Variants in DPF3 observed in about 807,000 individuals in gnomAD.
DPF3 encodes the protein zinc finger protein DPF3.
A neutral mutation model predicts 56.8 loss-of-function variants in DPF3; 18 were observed. The observed-to-expected ratio is 0.32, with a 90% CI of 0.22 to 0.47. DPF3 has a LOEUF of 0.47. Ranked by LOEUF, DPF3 falls within the 20% of genes least tolerant of loss-of-function variation. DPF3 has a pLI of 1.00. For missense variants in DPF3, 403 were observed against 488.8 expected (o/e 0.82, Z 1.65); for synonymous variants, 188 against 180.2 (o/e 1.04, Z -0.35).
chr14:72,731,689 G>T, intron 4 of DPF3, 118 bp downstream of exon 4: 1 of 1,402,416 alleles, frequency 7.1e-7, no homozygotes, highest in Non-Finnish European at 9.7e-7. Context: ...AAACAAGGCA[G>T]TCTGAGACTG....
intron 1 of DPF3, among the ~76,000 whole-genome samples, chr14:72,884,194 A>G (rs1481739586): frequency 1.3e-5 from 2 of 152,112 alleles, no homozygotes; most frequent in African/African-American, 4.8e-5. Context: ...CTATGACCGG[A>G]AATGAAATGA....
At chr14:72,877,930 C>T (rs559679381) in intron 1 of DPF3, among the ~76,000 whole-genome samples, 8 of 152,278 alleles carry the variant, frequency 5.3e-5, no homozygotes, top group East Asian at 1.9e-4. Context: ...TGCCAGGAAC[C>T]GGACAGCCCT....
intron 2 of DPF3, among the ~76,000 whole-genome samples, chr14:72,756,865 A>G (rs8019644): frequency 0.019 from 1,988 of 104,536 alleles, 39 homozygotes; most frequent in African/African-American, 0.044. Flanking sequence ...AGAAAGAAAG[A>G]AAGAAAGGAA....
At chr14:72,767,760 C>CAA (rs372452441) in intron 2 of DPF3, among the ~76,000 whole-genome samples, 16,515 of 71,050 alleles carry the variant, frequency 0.23, 1,822 homozygotes, top group African/African-American at 0.28. Flanking sequence ...CCAAATTTGG[C>CAA]AAAAAAAAAA....
At chr14:72,829,133 A>G (rs1883942198) in intron 1 of DPF3, among the ~76,000 whole-genome samples, 1 of 152,186 alleles carries the variant, frequency 6.6e-6, no homozygotes, top group Non-Finnish European at 1.5e-5. Context: ...TTGATCAGCA[A>G]ATAAATTTAA....
chr14:72,694,768 A>G (rs9671972), intron 6 of DPF3, among the ~76,000 whole-genome samples: 5,322 of 152,304 alleles, frequency 0.035, 187 homozygotes, highest in African/African-American at 0.084. Context: ...GTTTAGAACG[A>G]TGTATCTGGC....
At chr14:72,672,287 C>A (rs2153570510) in intron 8 of DPF3, among the ~76,000 whole-genome samples, 1 of 152,278 alleles carries the variant, frequency 6.6e-6, no homozygotes, top group Non-Finnish European at 1.5e-5. Context: ...ATGATACATC[C>A]CTCATGGTGC....
chr14:72,783,968 T>A (rs895882201), intron 1 of DPF3, among the ~76,000 whole-genome samples: 2 of 152,108 alleles, frequency 1.3e-5, no homozygotes, highest in African/African-American at 4.8e-5. Context: ...AGTCTCCCCA[T>A]CACGCACCTG....
At chr14:72,881,336 C>T (rs866139604) in intron 1 of DPF3, among the ~76,000 whole-genome samples, 40 of 108,034 alleles carry the variant, frequency 3.7e-4, no homozygotes, top group African/African-American at 1.3e-3. Context: ...GTTGTTGTTG[C>T]TGTTGTTGTT....
intron 3 of DPF3, among the ~76,000 whole-genome samples, chr14:72,750,503 G>A (rs76195875): frequency 6.6e-6 from 1 of 151,926 alleles, no homozygotes; most frequent in Non-Finnish European, 1.5e-5. Flanking sequence ...CATATGAGAC[G>A]TCCTCATATA....
At chr14:72,815,442 T>C (rs976209037) in intron 1 of DPF3, among the ~76,000 whole-genome samples, 2 of 152,266 alleles carry the variant, frequency 1.3e-5, no homozygotes, top group Non-Finnish European at 2.9e-5. Context: ...CTTTTAAAGT[T>C]AAATATACAA....
chr14:72,771,430 T>C (rs954150505), intron 2 of DPF3, among the ~76,000 whole-genome samples: 1 of 152,148 alleles, frequency 6.6e-6, no homozygotes, highest in South Asian at 2.1e-4. Context: ...AAGATGAAGA[T>C]TGCTGTCATG....
At chr14:72,866,042 G>A (rs1438793455) in intron 1 of DPF3, among the ~76,000 whole-genome samples, 2 of 152,110 alleles carry the variant, frequency 1.3e-5, no homozygotes, top group African/African-American at 4.8e-5. Flanking sequence ...GCAAGACTCA[G>A]TCTCAGAAAA....
rs188897997 is a variant in DPF3, at chr14:72,835,420, C to T, written c.32+58637G>A. Among the ~76,000 whole-genome samples, 834 of 152,250 alleles carry T rather than the reference C, an allele frequency of 5.5e-3. 5 individuals are homozygous for T. The highest frequency in any genetic ancestry group is 0.019 in the African/African-American group (798 of 41,538). ...TTCCGGCATCAGATGTGGATGATGGCGGATGTACTAACCACCACTGAATTA... is the reference window on the plus strand; with the variant it reads ...TTCCGGCATCAGATGTGGATGATGGTGGATGTACTAACCACCACTGAATTA... On this transcript the variant is annotated intron_variant, in intron 1 of 10. Transcript: ENST00000556509.
intron 7 of DPF3, among the ~76,000 whole-genome samples, chr14:72,683,380 C>G (rs981970877): frequency 7.0e-6 from 1 of 143,822 alleles, no homozygotes; most frequent in Non-Finnish European, 1.5e-5. Flanking sequence ...GAATCAGAAA[C>G]TCTGGGGGTG....
intron 2 of DPF3, among the ~76,000 whole-genome samples, 164 bp from the exon 3 acceptor site, chr14:72,753,535 T>C (rs1305460468): frequency 1.3e-5 from 2 of 152,168 alleles, no homozygotes; most frequent in Non-Finnish European, 2.9e-5. Flanking sequence ...AGGCTGAATC[T>C]AGGTCATCTG....
Position 72,731,925 on chromosome 14 carries a change from A to C in DPF3, c.311T>G (p.Leu104Arg). The part of the protein sequence containing the change: ...RLLEIKPEVE[L>R]PLKKDGFTSE... ...GGTGAACCCATCCTTCTTCAGGGGA[A>C]GCTCCACTTCTGAAAAACAAAGATA... The change falls in exon 4 of 11, where the codon CTT (leucine) becomes CGT (arginine). Residue 104 changes from leucine to arginine, a missense_variant. Leu to Arg is a moderately radical substitution (Grantham distance 102). Transcript: ENST00000556509. 1 of 1,586,000 alleles carries C rather than the reference A, an allele frequency of 6.3e-7. No individual in the cohort carries two copies. Among genetic ancestry groups the C allele is most frequent in the Non-Finnish European group, 8.6e-7 (1 of 1,166,052 alleles).
rs1182654929 is a variant in DPF3, at chr14:72,782,819, C to T, written c.33-10926G>A. 2.7e-5 allele frequency among the ~76,000 whole-genome samples: 4 copies of T among 149,886 alleles called. No homozygotes were observed. The East Asian group carries it at 5.9e-4, about 22-fold the overall frequency. On this transcript the variant is annotated intron_variant, in intron 1 of 10. Coordinates refer to ENST00000556509, the MANE Select transcript of DPF3 (RefSeq NM_001280542.3). ...CTGCACTCCAGCCTGGGCGACAGAGCGAGACTCCATCTCAAAGAAAAAAAA... is the reference window on the plus strand; with the variant it reads ...CTGCACTCCAGCCTGGGCGACAGAGTGAGACTCCATCTCAAAGAAAAAAAA...
intron 6 of DPF3, among the ~76,000 whole-genome samples, chr14:72,695,595 G>C (rs547223914): frequency 6.6e-6 from 1 of 152,158 alleles, no homozygotes; most frequent in East Asian, 1.9e-4. Flanking sequence ...CAAAGGACAT[G>C]ATTTTGTTCT....
Sources: allele counts gnomAD v4.1 joint callset (sites outside exome capture counted in the v4.1 genomes callset), GRCh38; gene constraint gnomAD v4.1.1; transcripts MANE v1.5; gene names NCBI Gene and HGNC (gene_info 2026-07-23, HGNC 2026-07-21).